The following ADPRM variants were observed in gnomAD, a reference collection of about 807,000 sequenced individuals.
The protein encoded by ADPRM is ADP-ribose/CDP-alcohol diphosphatase, manganese dependent.
In ADPRM, 17 loss-of-function variants were observed where a neutral mutation model predicts 27.2. The ratio of observed to expected loss-of-function variants is 0.63; its 90% CI spans 0.43 to 0.94. ADPRM has a LOEUF of 0.94. Ranked by LOEUF, ADPRM falls within the 40% of genes least tolerant of loss-of-function variation. The pLI, the probability that ADPRM is intolerant of heterozygous loss-of-function variation, is 0.00. For synonymous variants in ADPRM, 135 were observed against 145.3 expected (o/e 0.93, Z 0.51); for missense variants, 337 against 412.8 (o/e 0.82, Z 1.59).
intron 3 of ADPRM, among the ~76,000 whole-genome samples, chr17:10,709,652 C>T (rs1434808290): frequency 6.6e-6 from 1 of 151,624 alleles, no homozygotes; most frequent in African/African-American, 2.4e-5. Context: ...AATATGGCTT[C>T]GAGGTGCTGG....
At chr17:10,700,350 T>C (rs2151461375) in intron 1 of ADPRM, among the ~76,000 whole-genome samples, 1 of 152,342 alleles carries the variant, frequency 6.6e-6, no homozygotes, top group East Asian at 1.9e-4. Flanking sequence ...AGTATGATCT[T>C]ATAGCAACTT....
intron 3 of ADPRM, 48 bp downstream of exon 3, chr17:10,706,602 A>G: frequency 7.4e-7 from 1 of 1,356,498 alleles, no homozygotes; most frequent in Non-Finnish European, 1.0e-6. Flanking sequence ...GAGATTGGGA[A>G]AAGTTAGGCG....
chr17:10,697,990 C>G (rs1052601562), intron 1 of ADPRM: 1 of 169,270 alleles, frequency 5.9e-6, no homozygotes, highest in Non-Finnish European at 1.2e-5. Context: ...GAGGAAGTGC[C>G]AGAATGTTGA....
At chr17:10,698,112 T>G (rs2074748132) in intron 1 of ADPRM, 1 of 152,794 alleles carries the variant, frequency 6.5e-6, no homozygotes, top group Non-Finnish European at 1.5e-5. Flanking sequence ...CTGGAAGAAC[T>G]TTAAATGCCC....
chr17:10,704,860 G>T, intron 1 of ADPRM, 50 bp from the exon 2 acceptor site: 1 of 1,368,374 alleles, frequency 7.3e-7, no homozygotes, highest in South Asian at 1.4e-5. Context: ...AAGTGAAATT[G>T]GGAAATTAAA....
chr17:10,709,728 A>AAAAAAAG (rs957010352), intron 3 of ADPRM, among the ~76,000 whole-genome samples: 5 of 152,140 alleles, frequency 3.3e-5, no homozygotes, highest in Non-Finnish European at 5.9e-5. Flanking sequence ...GCACTTTAAA[A>AAAAAAAG]AAAAAATTGT....
chr17:10,701,798 T>C (rs2074781086), intron 1 of ADPRM, among the ~76,000 whole-genome samples: 1 of 152,240 alleles, frequency 6.6e-6, no homozygotes, highest in African/African-American at 2.4e-5. Context: ...TTATTAATTC[T>C]AAGTTTCCTC....
intron 1 of ADPRM, among the ~76,000 whole-genome samples, chr17:10,700,184 T>C (rs970711432): frequency 6.6e-6 from 1 of 152,222 alleles, no homozygotes; most frequent in Non-Finnish European, 1.5e-5. Context: ...CTCTAGACTT[T>C]CCCTGCTGCC....
chr17:10,705,269 A>G lies in ADPRM; in HGVS notation c.343A>G (p.Asn115Asp), dbSNP rs186083978. 1 of 1,614,038 alleles carries G rather than the reference A, an allele frequency of 6.2e-7. No individual in the cohort carries two copies. The highest frequency in any genetic ancestry group is 1.3e-5 in the African/African-American group (1 of 75,046). The change falls in exon 2 of 4, where the codon AAC (asparagine) becomes GAC (aspartate). Residue 115 changes from asparagine to aspartate, a missense_variant. Transcript: ENST00000379774. The surrounding 1 kb of genome is among the most constrained non-coding windows in gnomAD (Gnocchi z 5.4). Reference sequence around the variant, plus strand: ...TACATGGGGAAACCATGAATTCTATAACTTCAGTAGAGAGTATTTAACACA... The same window carrying G: ...TACATGGGGAAACCATGAATTCTATGACTTCAGTAGAGAGTATTTAACACA... ...HHTWGNHEFY[N>D]FSREYLTHSK...
intron 1 of ADPRM, 98 bp downstream of exon 1, chr17:10,697,765 G>A: frequency 3.7e-6 from 2 of 541,644 alleles, no homozygotes; most frequent in South Asian, 4.2e-5. Flanking sequence ...GCTGCCTTAG[G>A]GGTCCAGGTG....
Position 10,710,913 on chromosome 17 carries a change from G to T in ADPRM, c.798G>T (p.Trp266Cys). 1 of 1,614,174 alleles carries T rather than the reference G, an allele frequency of 6.2e-7. No individual in the cohort carries two copies. Among genetic ancestry groups the T allele is most frequent in the African/African-American group, 1.3e-5 (1 of 75,038 alleles). Residue 266 changes from tryptophan to cysteine, a missense_variant, in exon 4 of 4, where the codon TGG becomes TGT. By Grantham distance (215) the Trp-to-Cys change is radical (BLOSUM62 -2). Coordinates refer to ENST00000379774, the MANE Select transcript of ADPRM (RefSeq NM_020233.5). ...ACAGAGATGCCCTGGCAGTCATTTG[G>T]TCTCATGAGTGTGTGGTGTGTTTCT... ...WNYRDALAVI[W>C]SHECVVCFFA...
chr17:10,705,744 C>G lies in ADPRM; in HGVS notation c.601+217C>G, dbSNP rs1056325033. The G allele has an allele frequency of 3.7e-5, 25 of 670,274 alleles. No individual in the cohort carries two copies. In the Admixed American group the frequency reaches 4.0e-4, roughly 11 times the overall value. The allele number at this position is 670,274 out of a possible 1,614,324, so 41.5% of individuals were successfully genotyped here. ...GCCTATTTTAGGCCAGGCACTTTTT[C>G]TAGGGGTAGATATTCCGAGCTGTAA... is the stretch of plus-strand genomic sequence containing the variant. On this transcript the variant is annotated intron_variant, in intron 2 of 3. Transcript: ENST00000379774. This position sits in a 1 kb window ranked among gnomAD's most constrained non-coding sequence, Gnocchi z 5.4.
chr17:10,702,250 C>T lies in ADPRM; in HGVS notation c.-17-2660C>T, dbSNP rs188962386. Among the ~76,000 whole-genome samples, 235 of 152,304 alleles carry T rather than the reference C, an allele frequency of 1.5e-3. No homozygotes were observed. The highest frequency in any genetic ancestry group is 2.7e-3 in the Non-Finnish European group (184 of 68,028). On this transcript the variant is annotated intron_variant, in intron 1 of 3. Transcript: ENST00000379774. The surrounding 1 kb of genome is among the most constrained non-coding windows in gnomAD (Gnocchi z 4.2). ...TCTCTCTTTTTACCCCAGAACACAT[C>T]GCTGTTTTGAAGTGTGTGCCCCTTG...
chr17:10,707,601 T>A (rs2074821246), intron 3 of ADPRM, among the ~76,000 whole-genome samples: 1 of 152,024 alleles, frequency 6.6e-6, no homozygotes, highest in Non-Finnish European at 1.5e-5. Flanking sequence ...AGTGAGAAAT[T>A]CAGTTAGGGG....
chr17:10,699,565 C>T (rs2074762781), intron 1 of ADPRM, among the ~76,000 whole-genome samples: 1 of 147,956 alleles, frequency 6.8e-6, no homozygotes, highest in Non-Finnish European at 1.5e-5. Flanking sequence ...CTCTGTCGCC[C>T]AAGCTGGAGT....
chr17:10,700,196 C>T (rs1021267332), intron 1 of ADPRM, among the ~76,000 whole-genome samples: 2 of 152,204 alleles, frequency 1.3e-5, no homozygotes, highest in South Asian at 2.1e-4. Context: ...CCTGCTGCCC[C>T]CTTCACCTTT....
intron 1 of ADPRM, chr17:10,698,499 T>G (rs1407923397): frequency 6.6e-6 from 1 of 152,136 alleles, no homozygotes; most frequent in Non-Finnish European, 1.5e-5. Context: ...AAAAGGAAAA[T>G]CGTCCTCTAA....
intron 1 of ADPRM, chr17:10,698,004 C>A (rs8075503): frequency 0.45 from 72,618 of 161,110 alleles, 16,589 homozygotes; most frequent in East Asian, 0.53. Flanking sequence ...ATGTTGACTC[C>A]TTTACATCTT....
intron 3 of ADPRM, among the ~76,000 whole-genome samples, chr17:10,707,803 A>C (rs1211716134): frequency 6.6e-6 from 1 of 152,192 alleles, no homozygotes; most frequent in East Asian, 1.9e-4. Flanking sequence ...TTTCATATAG[A>C]ATCATTTTTG....
Sources: allele counts gnomAD v4.1 joint callset (sites outside exome capture counted in the v4.1 genomes callset), GRCh38; gene constraint gnomAD v4.1.1; non-coding constraint Gnocchi (gnomAD v3.1); transcripts MANE v1.5; gene names NCBI Gene and HGNC (gene_info 2026-07-23, HGNC 2026-07-21).